PATJ: variants seen among roughly 807,000 people sequenced by gnomAD.
PATJ encodes PATJ crumbs cell polarity complex component, also known as inaD-like protein.
A neutral mutation model predicts 224.9 loss-of-function variants in PATJ; 190 were observed. The ratio of observed to expected loss-of-function variants is 0.84; its 90% CI spans 0.75 to 0.95. PATJ has a LOEUF of 0.95. Among genes scored for constraint, PATJ ranks in the 40% least tolerant of loss-of-function variants. PATJ has a pLI of 0.00. For synonymous variants in PATJ, 769 were observed against 820.3 expected (o/e 0.94, Z 1.07); for missense variants, 2,121 against 2,270.3 (o/e 0.93, Z 1.34).
At chr1:61,766,674 A>G (rs533102941) in intron 4 of PATJ, among the ~76,000 whole-genome samples, 12 of 152,326 alleles carry the variant, frequency 7.9e-5, no homozygotes, top group African/African-American at 2.4e-4. Flanking sequence ...TACATAAGGA[A>G]AGTATCCATG....
At chr1:62,116,508 TG>T (rs1173189534) in intron 35 of PATJ, 23 bp from the exon 36 acceptor site, 5 of 1,612,498 alleles carry the variant, frequency 3.1e-6, no homozygotes, top group Non-Finnish European at 4.2e-6. Flanking sequence ...GTGCCAATAC[TG>T]CACTGCTGTA....
chr1:62,015,944 G>A lies in PATJ; in HGVS notation c.3868-1912G>A, dbSNP rs563597451. Reference sequence around the variant, plus strand: ...TCAGCCTCCCAAAGTGCTGACTATAGGCACCCAGCTGAATTTTTGTATTTT... The same window carrying A: ...TCAGCCTCCCAAAGTGCTGACTATAAGCACCCAGCTGAATTTTTGTATTTT... On this transcript the variant is annotated intron_variant, in intron 28 of 43. Coordinates refer to ENST00000642238, the MANE Select transcript of PATJ (RefSeq NM_001350145.3). Among the ~76,000 whole-genome samples, 140 of 151,932 alleles carry A rather than the reference G, an allele frequency of 9.2e-4. 1 individual carries two copies. Among genetic ancestry groups the A allele is most frequent in the African/African-American group, 3.3e-3 (136 of 41,418 alleles).
chr1:62,058,398 A>G (rs2148626684), intron 31 of PATJ, among the ~76,000 whole-genome samples: 1 of 152,340 alleles, frequency 6.6e-6, no homozygotes, highest in South Asian at 2.1e-4. Context: ...TATTTATTAA[A>G]CAGCGTCACG....
intron 7 of PATJ, among the ~76,000 whole-genome samples, chr1:61,778,825 C>A (rs920552618): frequency 6.6e-5 from 10 of 152,054 alleles, no homozygotes; most frequent in Non-Finnish European, 1.5e-4. Context: ...CTCAGGCTCC[C>A]AAGTAGCTGG....
intron 17 of PATJ, among the ~76,000 whole-genome samples, chr1:61,855,245 T>C (rs1211209585): frequency 6.6e-6 from 1 of 152,154 alleles, no homozygotes; most frequent in African/African-American, 2.4e-5. Flanking sequence ...TGTCAGAGAA[T>C]CTTGCCCAGC....
intron 27 of PATJ, among the ~76,000 whole-genome samples, chr1:61,951,804 A>G (rs796414628): frequency 9.2e-5 from 14 of 152,310 alleles, no homozygotes; most frequent in African/African-American, 2.9e-4. Context: ...ACATGATTCA[A>G]TGCTGGGAGC....
chr1:61,755,248 A>G (rs1276964636), intron 1 of PATJ, among the ~76,000 whole-genome samples: 1 of 150,854 alleles, frequency 6.6e-6, no homozygotes, highest in East Asian at 2.0e-4. Flanking sequence ...GGTGGAGCTT[A>G]CAGTGAACCG....
chr1:61,981,215 A>G (rs1644431818), intron 27 of PATJ, among the ~76,000 whole-genome samples: 1 of 151,914 alleles, frequency 6.6e-6, no homozygotes, highest in South Asian at 2.1e-4. Flanking sequence ...TTTTTCCTGG[A>G]AAGAAATGAG....
At chr1:62,104,240 G>A (rs562235253) in intron 33 of PATJ, among the ~76,000 whole-genome samples, 64 of 152,230 alleles carry the variant, frequency 4.2e-4, no homozygotes, top group African/African-American at 1.5e-3. Context: ...AGCATCATAT[G>A]CATAATCAAC....
intron 27 of PATJ, among the ~76,000 whole-genome samples, chr1:61,985,458 A>G (rs753711867): frequency 2.6e-5 from 4 of 152,140 alleles, no homozygotes; most frequent in Non-Finnish European, 5.9e-5. Context: ...AAATATACAT[A>G]ACAACATTTA....
intron 18 of PATJ, among the ~76,000 whole-genome samples, chr1:61,860,276 G>A (rs1026680674): frequency 6.6e-6 from 1 of 151,716 alleles, no homozygotes; most frequent in Non-Finnish European, 1.5e-5. Context: ...GCCCAGGCTG[G>A]TCTTGAACTC....
At chr1:62,049,528 G>T (rs1653197440) in intron 30 of PATJ, among the ~76,000 whole-genome samples, 1 of 152,086 alleles carries the variant, frequency 6.6e-6, no homozygotes, top group African/African-American at 2.4e-5. Context: ...CAGGATGGTG[G>T]TGATTAAAAA....
intron 1 of PATJ, among the ~76,000 whole-genome samples, chr1:61,758,914 C>G (rs2148258672): frequency 6.6e-6 from 1 of 152,264 alleles, no homozygotes; most frequent in Non-Finnish European, 1.5e-5. Flanking sequence ...AGGGGAATCT[C>G]TAGTTACACA....
At chr1:61,827,663 G>C in intron 16 of PATJ, 80 bp downstream of exon 16, 2 of 1,365,090 alleles carry the variant, frequency 1.5e-6, no homozygotes, top group Non-Finnish European at 2.0e-6. Context: ...GCAATAAGAA[G>C]GGAGGGGAAA....
intron 27 of PATJ, among the ~76,000 whole-genome samples, chr1:61,939,377 T>C (rs1170854276): frequency 6.8e-6 from 1 of 148,030 alleles, no homozygotes; most frequent in Non-Finnish European, 1.5e-5. Context: ...CACACACATA[T>C]ATATACAGTC....
chr1:61,916,657 G>A (rs1673490086), intron 26 of PATJ, among the ~76,000 whole-genome samples: 1 of 152,190 alleles, frequency 6.6e-6, no homozygotes, highest in Non-Finnish European at 1.5e-5. Context: ...CTGCCCAAAT[G>A]CAGTCGATTT....
intron 7 of PATJ, among the ~76,000 whole-genome samples, chr1:61,786,392 G>T (rs567687605): frequency 6.6e-6 from 1 of 151,982 alleles, no homozygotes; most frequent in African/African-American, 2.4e-5. Context: ...TTGTTTGTTT[G>T]TTTGACCTCT....
At chr1:61,775,685 A>G (rs1315974288) in intron 7 of PATJ, among the ~76,000 whole-genome samples, 1 of 152,220 alleles carries the variant, frequency 6.6e-6, no homozygotes, top group East Asian at 1.9e-4. Context: ...TTAAAATCAG[A>G]AGATACAGTG....
At chr1:61,919,866 G>T (rs1674027112) in intron 26 of PATJ, among the ~76,000 whole-genome samples, 1 of 151,990 alleles carries the variant, frequency 6.6e-6, no homozygotes, top group Non-Finnish European at 1.5e-5. Context: ...TTTGACATTG[G>T]TTGAGACATG....
Sources: allele counts gnomAD v4.1 joint callset (sites outside exome capture counted in the v4.1 genomes callset), GRCh38; gene constraint gnomAD v4.1.1; transcripts MANE v1.5; gene names NCBI Gene and HGNC (gene_info 2026-07-23, HGNC 2026-07-21).